Variants in PAPPA2 observed in about 807,000 individuals in gnomAD.
PAPPA2 encodes the protein pappalysin-2.
PAPPA2 carries 86 observed loss-of-function variants against 176.4 expected under a neutral mutation model. That is an observed-to-expected ratio of 0.49 (90% CI 0.41 to 0.58). The LOEUF (loss-of-function observed/expected upper bound fraction) is 0.58, where lower values mean the gene tolerates loss of function less well. Ranked by LOEUF, PAPPA2 falls within the 20% of genes least tolerant of loss-of-function variation. The pLI, the probability that PAPPA2 is intolerant of heterozygous loss-of-function variation, is 0.00. For synonymous variants in PAPPA2, 809 were observed against 852.2 expected, an observed-to-expected ratio of 0.95 and a Z score of 0.88; for missense variants, 2,073 against 2,256.9, an observed-to-expected ratio of 0.92 and a Z score of 1.65.
chr1:176,548,157 A>C (rs11580857), intron 1 of PAPPA2, among the ~76,000 whole-genome samples: 6,288 of 152,342 alleles, frequency 0.041, 186 homozygotes, highest in Middle Eastern at 0.092. Flanking sequence ...TTAGTATAAA[A>C]AGTCAGTATC....
intron 4 of PAPPA2, among the ~76,000 whole-genome samples, chr1:176,673,966 C>T (rs545219188): frequency 6.6e-6 from 1 of 152,090 alleles, no homozygotes; most frequent in Non-Finnish European, 1.5e-5. Context: ...AGACCAGGAT[C>T]CTAGAGAAAT....
At chr1:176,774,610 C>A (rs1344823987) in intron 17 of PAPPA2, among the ~76,000 whole-genome samples, 1 of 152,128 alleles carries the variant, frequency 6.6e-6, no homozygotes, top group Non-Finnish European at 1.5e-5. Flanking sequence ...AGACTATTAT[C>A]ATTTTTCACC....
intron 1 of PAPPA2, among the ~76,000 whole-genome samples, chr1:176,491,548 A>G (rs1020993770): frequency 3.3e-5 from 5 of 152,236 alleles, no homozygotes; most frequent in Non-Finnish European, 5.9e-5. Flanking sequence ...TAAAAAATTC[A>G]GTAAAAAATT....
At chr1:176,629,227 A>G (rs1341386545) in intron 3 of PAPPA2, among the ~76,000 whole-genome samples, 1 of 152,198 alleles carries the variant, frequency 6.6e-6, no homozygotes, top group African/African-American at 2.4e-5. Flanking sequence ...AATTGTTTAG[A>G]ATATTGTTTT....
At chr1:176,485,199 A>G (rs980215802) in intron 1 of PAPPA2, among the ~76,000 whole-genome samples, 2 of 152,208 alleles carry the variant, frequency 1.3e-5, no homozygotes, top group Admixed American at 6.5e-5. Flanking sequence ...AAAATATAAG[A>G]TAGATTACAT....
chr1:176,782,403 G>T (rs1341741330), intron 17 of PAPPA2, among the ~76,000 whole-genome samples: 3 of 151,938 alleles, frequency 2.0e-5, no homozygotes, highest in Admixed American at 6.6e-5. Context: ...ATAATTCAGG[G>T]TATGCATCCT....
intron 1 of PAPPA2, among the ~76,000 whole-genome samples, chr1:176,485,170 C>A (rs973007576): frequency 6.6e-6 from 1 of 152,184 alleles, no homozygotes; most frequent in Admixed American, 6.5e-5. Flanking sequence ...ATCAGCAAGG[C>A]AGCTAAAGTG....
At chr1:176,827,235 A>G (rs1186998799) in intron 21 of PAPPA2, among the ~76,000 whole-genome samples, 3 of 152,158 alleles carry the variant, frequency 2.0e-5, no homozygotes, top group Non-Finnish European at 4.4e-5. Context: ...TTATCTCCAG[A>G]TCTAACCTTC....
intron 14 of PAPPA2, among the ~76,000 whole-genome samples, chr1:176,756,484 A>T (rs983719696): frequency 6.6e-5 from 10 of 152,214 alleles, no homozygotes; most frequent in Non-Finnish European, 1.3e-4. Flanking sequence ...CAAATAAATG[A>T]TTCTGCTTCC....
chr1:176,569,989 A>G (rs1652223224), intron 2 of PAPPA2, among the ~76,000 whole-genome samples: 1 of 152,236 alleles, frequency 6.6e-6, no homozygotes, highest in South Asian at 2.1e-4. Flanking sequence ...TTTGTCTCCT[A>G]GAAAAACTGG....
At chr1:176,517,389 C>T (rs575031675) in intron 1 of PAPPA2, among the ~76,000 whole-genome samples, 10 of 152,216 alleles carry the variant, frequency 6.6e-5, no homozygotes, top group African/African-American at 1.4e-4. Flanking sequence ...GTAAATCTGT[C>T]GACAGGCCAT....
chr1:176,845,148 A>G lies in PAPPA2; in HGVS notation c.*2694A>G, dbSNP rs1197203154. ...TCCCAGCAACATCAACTCACACTCA[A>G]TCCATGTGGTGGTCCACATTCTGCT... is the stretch of plus-strand genomic sequence containing the variant. On this transcript the variant is annotated 3_prime_UTR_variant, in exon 23 of 23. Transcript: ENST00000367662. 6.6e-6 allele frequency: 1 copy of G among 152,106 alleles called. No individual in the cohort carries two copies. The highest frequency in any genetic ancestry group is 1.5e-5 in the Non-Finnish European group (1 of 68,024). The allele number at this position is 152,106 out of a possible 1,614,324, so 9.4% of individuals were successfully genotyped here. A position where few individuals can be genotyped will look rare whatever the true frequency, so the allele number is the denominator to read the frequency against.
At chr1:176,782,958 G>A (rs1664785486) in intron 17 of PAPPA2, among the ~76,000 whole-genome samples, 3 of 152,118 alleles carry the variant, frequency 2.0e-5, no homozygotes, top group Admixed American at 1.3e-4. Flanking sequence ...AGCAGGACTT[G>A]TTGATGGGTT....
chr1:176,579,345 T>C (rs1652829839), intron 2 of PAPPA2, among the ~76,000 whole-genome samples: 1 of 152,208 alleles, frequency 6.6e-6, no homozygotes, highest in South Asian at 2.1e-4. Context: ...CTCTTCCCAT[T>C]AGCCCCTCCT....
chr1:176,565,797 T>G (rs1035279952), intron 2 of PAPPA2, among the ~76,000 whole-genome samples: 1 of 105,168 alleles, frequency 9.5e-6, no homozygotes. Context: ...CTGCCATTGT[T>G]GCACAATGAG....
chr1:176,692,300 G>C lies in PAPPA2; in HGVS notation c.2606G>C (p.Ser869Thr), dbSNP rs1205725015. The stretch of plus-strand genomic sequence containing the variant: ...ACTATCCACTGGCTGCCTCCTATTA[G>C]TGGAGTTGTATATGACAGGTGAGAG... The part of the protein sequence containing the change: ...SLTIHWLPPI[S>T]GVVYDRASGS... The change falls in exon 6 of 23, where the codon AGT (serine) becomes ACT (threonine). Residue 869 changes from serine (S) to threonine (T), a missense_variant. This residue lies in a region of PAPPA2 where 1,196 missense variants were observed against 1,330.4 expected (regional missense o/e 0.90). Transcript: ENST00000367662. The C allele has an allele frequency of 6.2e-7, 1 of 1,613,314 alleles. No individual in the cohort carries two copies. Among genetic ancestry groups the C allele is most frequent in the South Asian group, 1.1e-5 (1 of 90,938 alleles).
At chr1:176,471,246 A>G (rs1437908252) in intron 1 of PAPPA2, among the ~76,000 whole-genome samples, 6 of 152,102 alleles carry the variant, frequency 3.9e-5, no homozygotes, top group Non-Finnish European at 5.9e-5. Flanking sequence ...AAGGATGAGT[A>G]GCTCATGCAG....
rs571660998 is a variant in PAPPA2, at chr1:176,799,292, A to C, written c.5131-769A>C. On this transcript the variant is annotated intron_variant, in intron 20 of 22. Transcript: ENST00000367662. ...AAAAGAAAAAGAAAAAAGTTTTGTGAAAATGAGTTATTATTATTTAACAAA... is the reference window on the plus strand; with the variant it reads ...AAAAGAAAAAGAAAAAAGTTTTGTGCAAATGAGTTATTATTATTTAACAAA... Among the ~76,000 whole-genome samples the C allele has an allele frequency of 3.3e-5, 5 of 152,354 alleles. No individual in the cohort carries two copies. In the South Asian group the frequency reaches 1.0e-3, roughly 32 times the overall value.
At chr1:176,737,101 C>T (rs1017263164) in intron 12 of PAPPA2, among the ~76,000 whole-genome samples, 1 of 151,754 alleles carries the variant, frequency 6.6e-6, no homozygotes, top group Non-Finnish European at 1.5e-5. Context: ...TTATCGAACA[C>T]TGAATTCTTA....
Sources: gnomAD v4.1 joint callset for allele counts (sites outside exome capture counted in the v4.1 genomes callset) on GRCh38, gnomAD v4.1.1 for gene constraint, gnomAD v4.1.1 regional missense constraint, MANE v1.5 for transcripts, NCBI Gene and HGNC (gene_info 2026-07-23, HGNC 2026-07-21) for gene names.